NKD1: variants seen among roughly 807,000 people sequenced by gnomAD.
NKD1 encodes protein naked cuticle homolog 1.
Under a neutral mutation model 56.0 loss-of-function variants are expected in NKD1, and 21 were observed. The observed-to-expected ratio is 0.38, with a 90% CI of 0.27 to 0.54. The LOEUF (loss-of-function observed/expected upper bound fraction) is 0.54, where lower values mean the gene tolerates loss of function less well. Among genes scored for constraint, NKD1 ranks in the 20% least tolerant of loss-of-function variants. The probability of loss-of-function intolerance (pLI) is 0.82; values close to 1 mark genes in which losing one functional copy is unlikely to be tolerated. For missense variants in NKD1, 578 were observed against 642.7 expected (o/e 0.90, Z 1.09); for synonymous variants, 263 against 265.7 (o/e 0.99, Z 0.10).
In NKD1 at chr16:50,644,047, CA is replaced by C. The variant is rs1365548899; in HGVS notation, c.*10267del. 6.6e-6 allele frequency: 1 copy of C among 152,262 alleles called. No homozygotes were observed. Among genetic ancestry groups the C allele is most frequent in the African/African-American group, 2.4e-5 (1 of 41,456 alleles). 9.4% of individuals were successfully genotyped at this position (152,262 alleles called of 1,614,324 possible). On this transcript the variant is annotated 3_prime_UTR_variant, in exon 10 of 10. Coordinates refer to ENST00000268459, the MANE Select transcript of NKD1 (RefSeq NM_033119.5). ...TAGGATGAGAACTGAACCACGAAAG[CA>C]GAGCATCATCTTGTTCGACCTCAGT...
intron 3 of NKD1, among the ~76,000 whole-genome samples, chr16:50,586,902 A>C (rs1157237801): frequency 6.6e-6 from 1 of 152,086 alleles, no homozygotes; most frequent in Admixed American, 6.5e-5. Context: ...AAATATGGAG[A>C]ATTGTCCTTC....
At chr16:50,621,041 A>G (rs1227053415) in intron 4 of NKD1, among the ~76,000 whole-genome samples, 1 of 152,132 alleles carries the variant, frequency 6.6e-6, no homozygotes, top group East Asian at 1.9e-4. Flanking sequence ...GTGCGTGTGT[A>G]TGTGTGTCCA....
intron 3 of NKD1, chr16:50,558,545 A>G (rs551335719): frequency 6.6e-6 from 1 of 152,306 alleles, no homozygotes; most frequent in South Asian, 2.1e-4. Context: ...AGCTGTGCAC[A>G]GTGTATTTCA....
At chr16:50,605,876 C>T (rs777891760) in intron 3 of NKD1, among the ~76,000 whole-genome samples, 8 of 152,136 alleles carry the variant, frequency 5.3e-5, no homozygotes, top group Non-Finnish European at 8.8e-5. Context: ...TGGTTGATGA[C>T]TGTGCCCATT....
chr16:50,589,429 C>T (rs1177854582), intron 3 of NKD1, among the ~76,000 whole-genome samples: 1 of 152,146 alleles, frequency 6.6e-6, no homozygotes, highest in Non-Finnish European at 1.5e-5. Flanking sequence ...TTTGGTTTTG[C>T]TTTTCTATAG....
intron 3 of NKD1, among the ~76,000 whole-genome samples, chr16:50,601,548 C>T (rs1392564059): frequency 6.6e-6 from 1 of 152,232 alleles, no homozygotes; most frequent in Non-Finnish European, 1.5e-5. Context: ...CAGTACTGGC[C>T]TCTGTCTCTG....
intron 3 of NKD1, chr16:50,570,731 C>T (rs1266974880): frequency 1.3e-6 from 1 of 797,616 alleles, no homozygotes; most frequent in South Asian, 5.7e-5. Flanking sequence ...CAAGCTTGGC[C>T]AGCCTTTGGA....
At chr16:50,630,116 C>A in intron 6 of NKD1, 70 bp from the exon 7 acceptor site, 2 of 1,452,850 alleles carry the variant, frequency 1.4e-6, no homozygotes, top group Admixed American at 1.7e-5. Context: ...GTCCACCAGG[C>A]CCTCTGGTTT....
At position 50,574,463 on chromosome 16, in the gene NKD1, G is replaced by A. The variant is rs1047843397; in HGVS notation, c.192+24908G>A. ...TTAGGATTCCTTGGGACTTGGCTGG[G>A]CCTCATCTTGTTTTTGGAAACTCTC... On this transcript the variant is annotated intron_variant, in intron 3 of 9. Coordinates refer to ENST00000268459, the MANE Select transcript of NKD1 (RefSeq NM_033119.5). The A allele has an allele frequency of 2.2e-5, 22 of 985,300 alleles. No individual in the cohort carries two copies. In the African/African-American group the frequency reaches 3.7e-4, roughly 16 times the overall value. The allele number at this position is 985,300 out of a possible 1,614,324, so 61.0% of individuals were successfully genotyped here.
At chr16:50,625,847 G>C (rs1008737397) in intron 6 of NKD1, among the ~76,000 whole-genome samples, 3 of 94,546 alleles carry the variant, frequency 3.2e-5, no homozygotes, top group African/African-American at 9.6e-5. Flanking sequence ...AAGTTGGGGG[G>C]GGCAGGTGCA....
At chr16:50,601,123 C>T (rs1011228322) in intron 3 of NKD1, among the ~76,000 whole-genome samples, 3 of 152,230 alleles carry the variant, frequency 2.0e-5, no homozygotes, top group Admixed American at 6.5e-5. Context: ...TCTTCCCTCT[C>T]GCCTCAGCCT....
chr16:50,558,291 G>A (rs1424291977), intron 3 of NKD1: 1 of 152,384 alleles, frequency 6.6e-6, no homozygotes, highest in South Asian at 2.1e-4. Flanking sequence ...GGTGGTGGTA[G>A]AGAAGCAGTA....
intron 3 of NKD1, among the ~76,000 whole-genome samples, chr16:50,599,548 G>C (rs944150388): frequency 3.9e-5 from 6 of 152,188 alleles, no homozygotes; most frequent in African/African-American, 7.2e-5. Context: ...GGGAGCACTT[G>C]GTCGGTGATG....
At position 50,645,554 on chromosome 16, in the gene NKD1, G is replaced by C. The variant is rs1217258482; in HGVS notation, c.*11773G>C. ...GTGGAGAGTCTGCTTGTCACCCCAAGAGACACATCAGGAAGCTAGGTGGTC... is the reference window on the plus strand; with the variant it reads ...GTGGAGAGTCTGCTTGTCACCCCAACAGACACATCAGGAAGCTAGGTGGTC... On this transcript the variant is annotated 3_prime_UTR_variant, in exon 10 of 10. Transcript: ENST00000268459. 1 of 152,244 alleles carries C rather than the reference G, an allele frequency of 6.6e-6. No homozygotes were observed. The allele number at this position is 152,244 out of a possible 1,614,324, so 9.4% of individuals were successfully genotyped here.
At chr16:50,603,250 G>A (rs987686038) in intron 3 of NKD1, among the ~76,000 whole-genome samples, 7 of 152,318 alleles carry the variant, frequency 4.6e-5, no homozygotes, top group Non-Finnish European at 5.9e-5. Flanking sequence ...GAGCCTGGGC[G>A]TCCCGACTGC....
rs919314958 is a variant in NKD1, at chr16:50,562,316, G to A, written c.192+12761G>A. On this transcript the variant is annotated intron_variant, in intron 3 of 9. Transcript: ENST00000268459. ...TTCAGGCCTGTGTCACTGTGTATCT[G>A]CAGGTGCATAGAGAAAGATCTGGAA... The A allele has an allele frequency of 2.1e-5, 20 of 969,358 alleles. No individual in the cohort carries two copies. The African/African-American group carries it at 3.5e-4, about 17-fold the overall frequency. The allele number at this position is 969,358 out of a possible 1,614,324, so 60.0% of individuals were successfully genotyped here.
intron 3 of NKD1, among the ~76,000 whole-genome samples, chr16:50,587,382 C>A (rs1961253370): frequency 6.6e-6 from 1 of 152,132 alleles, no homozygotes; most frequent in Non-Finnish European, 1.5e-5. Context: ...CAGGTGGCAC[C>A]TAACCTAGTA....
chr16:50,632,975 G>T lies in NKD1; in HGVS notation c.824-217G>T, dbSNP rs1962379257. 6.6e-6 allele frequency among the ~76,000 whole-genome samples: 1 copy of T among 152,152 alleles called. No individual in the cohort carries two copies. Among genetic ancestry groups the T allele is most frequent in the African/African-American group, 2.4e-5 (1 of 41,426 alleles). ...GTCTTTCTCGGCTCCCTCTCGGAGA[G>T]TATTTTTGAAGACCTACCAAAGAAC... On this transcript the variant is annotated intron_variant, in intron 9 of 9. Transcript: ENST00000268459. This position sits in a 1 kb window ranked among gnomAD's most constrained non-coding sequence, Gnocchi z 4.1.
chr16:50,565,862 A>T (rs916333661), intron 3 of NKD1, among the ~76,000 whole-genome samples: 1 of 152,204 alleles, frequency 6.6e-6, no homozygotes, highest in African/African-American at 2.4e-5. Flanking sequence ...CATGGCTATC[A>T]AGCCTTCTGT....
Sources: allele counts gnomAD v4.1 joint callset (sites outside exome capture counted in the v4.1 genomes callset), GRCh38; gene constraint gnomAD v4.1.1; non-coding constraint Gnocchi (gnomAD v3.1); transcripts MANE v1.5; gene names NCBI Gene and HGNC (gene_info 2026-07-23, HGNC 2026-07-21).